The following SERINC3 variants were observed in gnomAD, a reference collection of about 807,000 sequenced individuals.
The protein encoded by SERINC3 is tumor differentially expressed protein 1.
In SERINC3, 22 loss-of-function variants were observed where a neutral mutation model predicts 52.1. The ratio of observed to expected loss-of-function variants is 0.42; its 90% CI spans 0.30 to 0.60. The LOEUF is 0.60. Ranked by LOEUF, SERINC3 falls within the 20% of genes least tolerant of loss-of-function variation. The pLI is 0.16. For synonymous variants in SERINC3, 226 were observed against 212.7 expected, an observed-to-expected ratio of 1.06 and a Z score of -0.54; for missense variants, 564 against 584.6, an observed-to-expected ratio of 0.96 and a Z score of 0.36.
Position 44,501,059 on chromosome 20 carries a change from T to G in SERINC3, c.1283+14A>C, listed in dbSNP as rs532673490. The G allele has an allele frequency of 6.3e-7, 1 of 1,595,218 alleles. No individual in the cohort carries two copies. Among genetic ancestry groups the G allele is most frequent in the East Asian group, 2.2e-5 (1 of 44,792 alleles). The stretch of plus-strand genomic sequence containing the variant: ...GTTTTATGGTCTTCTGTCTGTTTTG[T>G]CTGTGTCTCCTACCTGTACCAGCTG... On this transcript the variant is annotated intron_variant, in intron 9 of 9. Coordinates refer to ENST00000342374, the MANE Select transcript of SERINC3 (RefSeq NM_006811.4).
In SERINC3 at chr20:44,500,031, T is replaced by C. The variant is rs1215285482; in HGVS notation, c.*265A>G. 3.4e-6 allele frequency: 1 copy of C among 293,662 alleles called. No homozygotes were observed. The highest frequency in any genetic ancestry group is 6.2e-6 in the Non-Finnish European group (1 of 160,278). The allele number at this position is 293,662 out of a possible 1,614,324, so 18.2% of individuals were successfully genotyped here. A position where few individuals can be genotyped will look rare whatever the true frequency, so the allele number is the denominator to read the frequency against. On this transcript the variant is annotated 3_prime_UTR_variant, in exon 10 of 10. Transcript: ENST00000342374. ...CCTACAGGCTTTATAAAGAACTCTC[T>C]TCACAGCACAGCTGTAGTTCACTTT...
At chr20:44,504,183 A>G (rs2123037980) in intron 7 of SERINC3, among the ~76,000 whole-genome samples, 188 bp from the exon 8 acceptor site, 1 of 152,272 alleles carries the variant, frequency 6.6e-6, no homozygotes, top group East Asian at 1.9e-4. Context: ...TAGGAAAAAA[A>G]AAGAAAACAA....
At chr20:44,510,111 A>G in intron 4 of SERINC3, 83 bp from the exon 5 acceptor site, 2 of 1,338,386 alleles carry the variant, frequency 1.5e-6, no homozygotes, top group Non-Finnish European at 2.1e-6. Flanking sequence ...GATTTCAATT[A>G]AAACAAGACA....
At chr20:44,516,433 CCCAGGCTGGAGTGCAGTAACG>C (rs1263494192) in intron 1 of SERINC3, among the ~76,000 whole-genome samples, 1 of 151,746 alleles carries the variant, frequency 6.6e-6, no homozygotes, top group Admixed American at 6.6e-5. Context: ...CACTCTGTCT[CCCAGGCTGGAGTGCAGTAACG>C]CCATCTCGGC....
chr20:44,501,458 C>T (rs1440841780), intron 8 of SERINC3, among the ~76,000 whole-genome samples, 158 bp from the exon 9 acceptor site: 1 of 152,132 alleles, frequency 6.6e-6, no homozygotes, highest in Non-Finnish European at 1.5e-5. Flanking sequence ...TGCTGCCTGT[C>T]ATCATAAGAC....
At chr20:44,516,011 G>A (rs1006675939) in intron 1 of SERINC3, among the ~76,000 whole-genome samples, 1 of 151,950 alleles carries the variant, frequency 6.6e-6, no homozygotes, top group Non-Finnish European at 1.5e-5. Context: ...TTTTTTTAAA[G>A]AGTAACCTAG....
intron 1 of SERINC3, among the ~76,000 whole-genome samples, chr20:44,518,689 G>A (rs2064396315): frequency 6.6e-6 from 1 of 152,040 alleles, no homozygotes; most frequent in Non-Finnish European, 1.5e-5. Flanking sequence ...CCTTGGCTGG[G>A]TGCAGTGGCT....
intron 6 of SERINC3, among the ~76,000 whole-genome samples, chr20:44,505,809 A>G (rs964221590): frequency 2.0e-5 from 3 of 151,608 alleles, no homozygotes; most frequent in Non-Finnish European, 1.5e-5. Flanking sequence ...CATGTTGGTC[A>G]GGCTGGTCTT....
intron 5 of SERINC3, among the ~76,000 whole-genome samples, chr20:44,508,492 A>C (rs2064328469): frequency 6.8e-6 from 1 of 147,036 alleles, no homozygotes; most frequent in South Asian, 2.2e-4. Flanking sequence ...GTGAGACCCA[A>C]TCTCAAAAAA....
intron 9 of SERINC3, 42 bp downstream of exon 9, chr20:44,501,031 A>C: frequency 6.9e-7 from 1 of 1,441,026 alleles, no homozygotes; most frequent in Non-Finnish European, 9.8e-7. Flanking sequence ...AGGCCATCCA[A>C]GGGTTTTATG....
chr20:44,516,612 G>A (rs1328160317), intron 1 of SERINC3, among the ~76,000 whole-genome samples: 1 of 152,002 alleles, frequency 6.6e-6, no homozygotes, highest in Non-Finnish European at 1.5e-5. Flanking sequence ...GGCTGGTCTC[G>A]AATTCCTGAC....
chr20:44,501,081 G>A lies in SERINC3; in HGVS notation c.1275C>T (p.Ser425=), dbSNP rs772686841. 2 of 1,612,882 alleles carry A rather than the reference G, an allele frequency of 1.2e-6. No homozygotes were observed. Among genetic ancestry groups the A allele is most frequent in the East Asian group, 4.5e-5 (2 of 44,858 alleles). Reference sequence around the variant, plus strand: ...TTGTCTGTGTCTCCTACCTGTACCAGCTGGTCAGGGTCATCATGATGTACA... The same window carrying A: ...TTGTCTGTGTCTCCTACCTGTACCAACTGGTCAGGGTCATCATGATGTACA... The part of the protein sequence containing the change: ...ASLYIMMTLT[S]WYSPDAKFQS... Residue 425 remains serine (S), a synonymous_variant, in exon 9 of 10, where the codon AGC becomes AGT. Transcript: ENST00000342374.
chr20:44,504,934 G>T, intron 6 of SERINC3, 43 bp from the exon 7 acceptor site: 1 of 1,524,952 alleles, frequency 6.6e-7, no homozygotes, highest in Non-Finnish European at 9.1e-7. Context: ...GACTGCCAAG[G>T]GCTGACTTTC....
chr20:44,500,346 C>A lies in SERINC3; in HGVS notation c.1372G>T (p.Val458Phe). ...SSSWVCLLLY[V>F]WTLVAPLVLT... ...ACAAGTGGAGCCACAAGGGTCCAGA[C>A]GTAAAGCAGGAGGCAGACCCAGCTG... Residue 458 changes from valine to phenylalanine, a missense_variant, in exon 10 of 10, where the codon GTC (valine) becomes TTC (phenylalanine). Val to Phe is a conservative substitution (Grantham distance 50). Transcript: ENST00000342374. 2 of 1,609,914 alleles carry A rather than the reference C, an allele frequency of 1.2e-6. No individual in the cohort carries two copies. The highest frequency in any genetic ancestry group is 8.5e-7 in the Non-Finnish European group (1 of 1,178,284).
chr20:44,510,081 A>T, intron 4 of SERINC3, 53 bp from the exon 5 acceptor site: 1 of 1,542,806 alleles, frequency 6.5e-7, no homozygotes, highest in Non-Finnish European at 9.0e-7. Context: ...AACATTTCAG[A>T]AGATCCAACA....
intron 5 of SERINC3, among the ~76,000 whole-genome samples, chr20:44,509,679 C>T (rs2064335080): frequency 6.6e-6 from 1 of 152,088 alleles, no homozygotes; most frequent in Non-Finnish European, 1.5e-5. Flanking sequence ...TAGGTATATG[C>T]CACCATGCCT....
intron 3 of SERINC3, among the ~76,000 whole-genome samples, chr20:44,512,242 G>A (rs1457727323): frequency 1.3e-5 from 2 of 151,560 alleles, no homozygotes; most frequent in African/African-American, 4.9e-5. Flanking sequence ...GAACCCGGGA[G>A]GGGGAGGTTG....
rs1463628142 is a variant in SERINC3, at chr20:44,506,976, C to T, written c.634G>A (p.Ala212Thr). 25 of 1,600,284 alleles carry T rather than the reference C, an allele frequency of 1.6e-5. No homozygotes were observed. Among genetic ancestry groups the T allele is most frequent in the African/African-American group, 2.7e-5 (2 of 74,260 alleles). The change falls in exon 6 of 10, where the codon GCC (alanine) becomes ACC (threonine). Residue 212 changes from alanine (A) to threonine (T), a missense_variant. Coordinates refer to ENST00000342374, the MANE Select transcript of SERINC3 (RefSeq NM_006811.4). ...CAGATGATTGACAGGATATAAAAGG[C>T]GCTTGTGAAAGACAGTAAAGCTGGA... ...WYAALLSFTS[A>T]FYILSIICVG...
intron 1 of SERINC3, among the ~76,000 whole-genome samples, chr20:44,520,240 G>GTGGC (rs1368590346): frequency 2.0e-5 from 3 of 152,096 alleles, no homozygotes; most frequent in African/African-American, 7.2e-5. Context: ...GCTGGGCGTG[G>GTGGC]TGGCATACAC....
Sources: allele counts gnomAD v4.1 joint callset (sites outside exome capture counted in the v4.1 genomes callset), GRCh38; gene constraint gnomAD v4.1.1; transcripts MANE v1.5; gene names NCBI Gene and HGNC (gene_info 2026-07-23, HGNC 2026-07-21).